CNTN5: variants seen among roughly 807,000 people sequenced by gnomAD.
The protein encoded by CNTN5 is contactin 5, also known as contactin-5.
A neutral mutation model predicts 129.1 loss-of-function variants in CNTN5; 77 were observed. The ratio of observed to expected loss-of-function variants is 0.60; its 90% confidence interval spans 0.50 to 0.72. The LOEUF (loss-of-function observed/expected upper bound fraction) is 0.72. Among genes scored for constraint, CNTN5 ranks in the 30% least tolerant of loss-of-function variants. The probability of loss-of-function intolerance (pLI) is 0.00; values close to 1 mark genes in which losing one functional copy is unlikely to be tolerated. For missense variants in CNTN5, 1,478 were observed against 1,328.8 expected (o/e 1.11, Z -1.75); for synonymous variants, 509 against 465.6 (o/e 1.09, Z -1.20).
intron 3 of CNTN5, among the ~76,000 whole-genome samples, chr11:99,590,967 C>G (rs1949961004): frequency 6.6e-6 from 1 of 152,094 alleles, no homozygotes. Flanking sequence ...ACTAATATAA[C>G]TATACATGCA....
At chr11:99,130,024 G>T (rs1268054611) in intron 1 of CNTN5, among the ~76,000 whole-genome samples, 2 of 152,174 alleles carry the variant, frequency 1.3e-5, no homozygotes, top group Non-Finnish European at 2.9e-5. Context: ...GAAGTACACA[G>T]ACCAACAACA....
chr11:100,157,847 A>T (rs200081460), intron 13 of CNTN5, among the ~76,000 whole-genome samples: 3 of 95,374 alleles, frequency 3.1e-5, no homozygotes, highest in South Asian at 5.1e-4. Context: ...TATATAGATA[A>T]ATAAAAAAAG....
intron 6 of CNTN5, among the ~76,000 whole-genome samples, chr11:99,878,871 A>T (rs532558251): frequency 4.7e-4 from 72 of 152,116 alleles, no homozygotes; most frequent in African/African-American, 9.6e-4. Flanking sequence ...ATAATTAATA[A>T]TTTTTTTTAA....
At chr11:99,865,526 T>C (rs1948331848) in intron 6 of CNTN5, among the ~76,000 whole-genome samples, 1 of 151,876 alleles carries the variant, frequency 6.6e-6, no homozygotes, top group Non-Finnish European at 1.5e-5. Context: ...GAATATGTTA[T>C]GATATAAAAT....
chr11:100,186,625 G>A (rs1388526029), intron 13 of CNTN5, among the ~76,000 whole-genome samples: 2 of 152,102 alleles, frequency 1.3e-5, no homozygotes, highest in African/African-American at 4.8e-5. Context: ...GGACATAAGT[G>A]TGACTTGATC....
chr11:99,978,391 A>C lies in CNTN5; in HGVS notation c.877+21382A>C, dbSNP rs556078351. ...TTAAGTGTGCCGTGTTTATAAAGTC[A>C]ACAGTAATGTACAGTAGTGTCCTAG... On this transcript the variant is annotated intron_variant, in intron 8 of 24. Coordinates refer to ENST00000524871, the MANE Select transcript of CNTN5 (RefSeq NM_014361.4). Among the ~76,000 whole-genome samples, 6 of 152,334 alleles carry C rather than the reference A, an allele frequency of 3.9e-5. No homozygotes were observed. The South Asian group carries it at 1.2e-3, about 32-fold the overall frequency.
intron 2 of CNTN5, among the ~76,000 whole-genome samples, chr11:99,520,631 G>A (rs1947241876): frequency 1.3e-5 from 2 of 152,028 alleles, no homozygotes; most frequent in South Asian, 2.1e-4. Flanking sequence ...AAAGAGTGAG[G>A]GACCTCACTG....
chr11:100,257,942 T>C (rs1453750476), intron 17 of CNTN5, among the ~76,000 whole-genome samples: 4 of 152,014 alleles, frequency 2.6e-5, no homozygotes, highest in African/African-American at 9.7e-5. Flanking sequence ...AGAATGAATA[T>C]GATGAATTGA....
intron 2 of CNTN5, among the ~76,000 whole-genome samples, chr11:99,403,120 C>T (rs563801901): frequency 1.0e-5 from 1 of 96,138 alleles, no homozygotes; most frequent in Non-Finnish European, 2.0e-5. Flanking sequence ...CATTCTCCTG[C>T]CTTAGCCTCC....
chr11:99,203,723 G>A (rs1466691928), intron 1 of CNTN5, among the ~76,000 whole-genome samples: 4 of 151,970 alleles, frequency 2.6e-5, no homozygotes, highest in South Asian at 2.1e-4. Flanking sequence ...TAGGCCTCCC[G>A]AGTAGCTGGG....
chr11:99,502,947 G>T (rs1461716938), intron 2 of CNTN5, among the ~76,000 whole-genome samples: 3 of 151,958 alleles, frequency 2.0e-5, no homozygotes, highest in Admixed American at 6.6e-5. Context: ...ATTCTGCATG[G>T]CTAGAAAATT....
At chr11:99,566,819 A>G (rs1949020892) in intron 3 of CNTN5, among the ~76,000 whole-genome samples, 2 of 152,198 alleles carry the variant, frequency 1.3e-5, no homozygotes, top group African/African-American at 4.8e-5. Flanking sequence ...GAAAGCCATG[A>G]TTATTAATTC....
intron 6 of CNTN5, among the ~76,000 whole-genome samples, chr11:99,907,272 G>T (rs1192596051): frequency 1.3e-5 from 2 of 151,714 alleles, no homozygotes; most frequent in Non-Finnish European, 2.9e-5. Context: ...GATATTGATA[G>T]AAATAAATTT....
chr11:100,056,641 G>A (rs1458829945), intron 9 of CNTN5, among the ~76,000 whole-genome samples: 3 of 151,712 alleles, frequency 2.0e-5, no homozygotes, highest in Non-Finnish European at 4.4e-5. Flanking sequence ...TATATAAGAA[G>A]ATACTGGTAG....
intron 13 of CNTN5, among the ~76,000 whole-genome samples, chr11:100,147,262 T>G (rs1946881314): frequency 1.3e-5 from 2 of 152,134 alleles, no homozygotes; most frequent in African/African-American, 4.8e-5. Flanking sequence ...CTCCATTGAA[T>G]TTCACGCATT....
intron 1 of CNTN5, among the ~76,000 whole-genome samples, chr11:99,171,416 A>G (rs1282541994): frequency 6.6e-6 from 1 of 152,302 alleles, no homozygotes; most frequent in East Asian, 1.9e-4. Context: ...GTACTGTCTC[A>G]TCTGATCATT....
intron 2 of CNTN5, among the ~76,000 whole-genome samples, chr11:99,408,124 T>C (rs1202102463): frequency 6.6e-6 from 1 of 152,100 alleles, no homozygotes; most frequent in Non-Finnish European, 1.5e-5. Context: ...GAGCAATATT[T>C]GTTGGACCCT....
chr11:100,060,812 G>T lies in CNTN5; in HGVS notation c.981-400G>T, dbSNP rs1037771624. 2.0e-4 allele frequency among the ~76,000 whole-genome samples: 31 copies of T among 151,600 alleles called. No individual in the cohort carries two copies. The East Asian group carries it at 5.7e-3, about 28-fold the overall frequency. On this transcript the variant is annotated intron_variant, in intron 9 of 24. Transcript: ENST00000524871. The stretch of plus-strand genomic sequence containing the variant: ...CCACCACCATGCCTGGCTAATTTTT[G>T]TATTTTTTAGTAGAGATGGGGTTTC...
rs867324875 is a variant in CNTN5 at position 99,311,983 on chromosome 11, C to A, written c.-209-13363C>A. Among the ~76,000 whole-genome samples the A allele has an allele frequency of 2.8e-4, 42 of 152,222 alleles. No homozygotes were observed. In the Middle Eastern group the frequency reaches 0.014, roughly 49 times the overall value. On this transcript the variant is annotated intron_variant, in intron 1 of 24. Transcript: ENST00000524871. ...TAAGCTACTACCTCTGAAGAAATCA[C>A]CTTGGTTGGCTGTTTTGTTGACTGC...
Sources: gnomAD v4.1 joint callset for allele counts (sites outside exome capture counted in the v4.1 genomes callset) on GRCh38, gnomAD v4.1.1 for gene constraint, MANE v1.5 for transcripts, NCBI Gene and HGNC (gene_info 2026-07-23, HGNC 2026-07-21) for gene names.